MACROD1: variants seen among roughly 807,000 people sequenced by gnomAD.
MACROD1 encodes ADP-ribose glycohydrolase MACROD1.
Under a neutral mutation model 41.4 loss-of-function variants are expected in MACROD1, and 31 were observed. The observed-to-expected ratio is 0.75, with a 90% CI of 0.56 to 1.01. The LOEUF (loss-of-function observed/expected upper bound fraction) is 1.01. Among genes scored for constraint, MACROD1 ranks in the 50% least tolerant of loss-of-function variants. MACROD1 has a pLI of 0.00. For synonymous variants in MACROD1, 252 were observed against 203.4 expected (o/e 1.24, Z -2.03); for missense variants, 473 against 460.0 (o/e 1.03, Z -0.26).
intron 2 of MACROD1, among the ~76,000 whole-genome samples, chr11:64,152,023 G>A (rs918303126): frequency 2.0e-5 from 3 of 152,198 alleles, no homozygotes; most frequent in Non-Finnish European, 1.5e-5. Context: ...CAGCTACTCA[G>A]GAGGCTGAGG....
chr11:64,081,323 A>G (rs546247601), intron 3 of MACROD1, among the ~76,000 whole-genome samples: 2 of 152,250 alleles, frequency 1.3e-5, no homozygotes, highest in African/African-American at 4.8e-5. Context: ...CGCCCAGCCT[A>G]CACTTCATAT....
chr11:64,130,207 TG>T (rs1415658832), intron 3 of MACROD1, among the ~76,000 whole-genome samples: 3 of 152,184 alleles, frequency 2.0e-5, no homozygotes, highest in Admixed American at 2.0e-4. Flanking sequence ...GGGGCACGTG[TG>T]GGTAAGACCC....
intron 3 of MACROD1, among the ~76,000 whole-genome samples, chr11:64,150,948 T>C (rs1945566218): frequency 6.6e-6 from 1 of 152,202 alleles, no homozygotes; most frequent in African/African-American, 2.4e-5. Context: ...CTCCCCGCTG[T>C]GGCCTCTGCC....
At chr11:64,130,710 C>T (rs11231704) in intron 3 of MACROD1, among the ~76,000 whole-genome samples, 53,888 of 152,132 alleles carry the variant, frequency 0.35, 12,375 homozygotes, top group Non-Finnish European at 0.51. Flanking sequence ...GCTGCCTCCC[C>T]GCCGCCGCAC....
Position 64,146,310 on chromosome 11 carries a change from T to C in MACROD1, c.517+4929A>G, listed in dbSNP as rs1377174000. Among the ~76,000 whole-genome samples the C allele has an allele frequency of 6.6e-6, 1 of 152,148 alleles. No individual in the cohort carries two copies. Among genetic ancestry groups the C allele is most frequent in the Non-Finnish European group, 1.5e-5 (1 of 68,026 alleles). On this transcript the variant is annotated intron_variant, in intron 3 of 10. Transcript: ENST00000255681. This position sits in a 1 kb window ranked among gnomAD's most constrained non-coding sequence, Gnocchi z 4.7. ...CTCCCCAGACACAGGACTGAGGTCA[T>C]AGGCAAGGCTGGAGAGGCAGGCACC... is the stretch of plus-strand genomic sequence containing the variant.
chr11:64,005,828 C>CA, intron 4 of MACROD1, among the ~76,000 whole-genome samples: 1 of 152,302 alleles, frequency 6.6e-6, no homozygotes, highest in Non-Finnish European at 1.5e-5. Context: ...GGGCTGGAGA[C>CA]AGAGGGCCTT....
At chr11:64,039,023 G>A (rs926780445) in intron 3 of MACROD1, among the ~76,000 whole-genome samples, 2 of 152,206 alleles carry the variant, frequency 1.3e-5, no homozygotes, top group Non-Finnish European at 2.9e-5. Context: ...CGTTCACTGT[G>A]GGCCAAGGGC....
Position 64,159,022 on chromosome 11 carries a change from C to CA in MACROD1, c.299-6630dup, listed in dbSNP as rs575467839. On this transcript the variant is annotated intron_variant, in intron 1 of 10. Transcript: ENST00000255681. Reference sequence around the variant, plus strand: ...CCAACATTGCAAAACCCCGTCTCTGCAAAAAATAGAAAAATGAGGCCGGGT... The same window carrying CA: ...CCAACATTGCAAAACCCCGTCTCTGCAAAAAAATAGAAAAATGAGGCCGGGT... Among the ~76,000 whole-genome samples the CA allele has an allele frequency of 2.4e-3, 371 of 151,542 alleles. 2 individuals are homozygous for CA. Among genetic ancestry groups the CA allele is most frequent in the Non-Finnish European group, 3.8e-3 (257 of 67,884 alleles).
intron 9 of MACROD1, 29 bp downstream of exon 9, chr11:63,998,926 C>T (rs747561320): frequency 4.5e-6 from 7 of 1,554,840 alleles, no homozygotes; most frequent in Non-Finnish European, 6.1e-6. Context: ...GGGGCAGGGG[C>T]GGGCCGTGGG....
At chr11:64,016,607 G>C (rs1338719654) in intron 3 of MACROD1, among the ~76,000 whole-genome samples, 1 of 152,276 alleles carries the variant, frequency 6.6e-6, no homozygotes, top group Admixed American at 6.5e-5. Context: ...CGAGTGGCTG[G>C]TCTCCCAGAG....
intron 1 of MACROD1, among the ~76,000 whole-genome samples, chr11:64,155,108 TGGGCACCTGA>T (rs775682296): frequency 5.3e-5 from 8 of 152,186 alleles, no homozygotes; most frequent in Non-Finnish European, 1.2e-4. Context: ...GCACGGTGTG[TGGGCACCTGA>T]GGGTGCCTGA....
chr11:64,043,814 C>CT (rs113497225), intron 3 of MACROD1, among the ~76,000 whole-genome samples: 41,339 of 144,400 alleles, frequency 0.29, 6,238 homozygotes, highest in African/African-American at 0.41. Flanking sequence ...GACATGGCAT[C>CT]TTTTTTTTTT....
chr11:64,091,311 G>C (rs1944485843), intron 3 of MACROD1, among the ~76,000 whole-genome samples: 1 of 152,096 alleles, frequency 6.6e-6, no homozygotes, highest in Non-Finnish European at 1.5e-5. Flanking sequence ...TCACGTAGCT[G>C]ATTTCATCAC....
intron 3 of MACROD1, among the ~76,000 whole-genome samples, chr11:64,111,558 T>G (rs779011134): frequency 3.3e-5 from 5 of 152,176 alleles, no homozygotes; most frequent in Admixed American, 6.5e-5. Flanking sequence ...TGACCTTGGC[T>G]GGGCCCCTCA....
intron 3 of MACROD1, among the ~76,000 whole-genome samples, chr11:64,129,646 C>T (rs1945236953): frequency 6.6e-6 from 1 of 152,138 alleles, no homozygotes; most frequent in Admixed American, 6.5e-5. Context: ...AGCAAAGTGC[C>T]CCCAGGTCCA....
chr11:64,002,214 C>A (rs190805804), intron 4 of MACROD1, among the ~76,000 whole-genome samples: 2 of 152,174 alleles, frequency 1.3e-5, no homozygotes, highest in Non-Finnish European at 2.9e-5. Context: ...CCTCCCGGGT[C>A]GAGCACCTGG....
At chr11:64,100,189 C>A (rs1233046573) in intron 3 of MACROD1, among the ~76,000 whole-genome samples, 4 of 152,204 alleles carry the variant, frequency 2.6e-5, no homozygotes, top group Non-Finnish European at 4.4e-5. Flanking sequence ...GCAGAAATTA[C>A]TGGGAAAGGA....
Position 64,151,249 on chromosome 11 carries a change from G to T in MACROD1, c.507C>A (p.Ile169=), listed in dbSNP as rs112810321. Residue 169 remains isoleucine (I), a synonymous_variant, in exon 3 of 11, where the codon ATC becomes ATA. Coordinates refer to ENST00000255681, the MANE Select transcript of MACROD1 (RefSeq NM_014067.4). ...SDITKLEVDA[I]VNAANSSLLG... ...AGGCCAGCCACTCACCGGCGTTGAC[G>T]ATGGCGTCCACCTCCAGCTTGGTGA... is the stretch of plus-strand genomic sequence containing the variant. 1 of 1,613,186 alleles carries T rather than the reference G, an allele frequency of 6.2e-7. No homozygotes were observed. The highest frequency in any genetic ancestry group is 1.1e-5 in the South Asian group (1 of 91,082).
intron 3 of MACROD1, among the ~76,000 whole-genome samples, chr11:64,031,459 C>T (rs1943293171): frequency 6.8e-6 from 1 of 147,708 alleles, no homozygotes; most frequent in Admixed American, 6.8e-5. Flanking sequence ...AGCCTGCCTG[C>T]CTGCCTGCCT....
Sources: allele counts gnomAD v4.1 joint callset (sites outside exome capture counted in the v4.1 genomes callset), GRCh38; gene constraint gnomAD v4.1.1; non-coding constraint Gnocchi (gnomAD v3.1); transcripts MANE v1.5; gene names NCBI Gene and HGNC (gene_info 2026-07-23, HGNC 2026-07-21).